The following TLE3 variants were observed in gnomAD, a reference collection of about 807,000 sequenced individuals.
The protein encoded by TLE3 is TLE family member 3, transcriptional corepressor.
In TLE3, 14 loss-of-function variants were observed where a neutral mutation model predicts 93.0. The observed-to-expected ratio is 0.15, with a 90% CI of 0.10 to 0.24. TLE3 has a LOEUF of 0.24. Among genes scored for constraint, TLE3 ranks in the 10% least tolerant of loss-of-function variants. TLE3 has a pLI of 1.00. For synonymous variants in TLE3, 451 were observed against 425.0 expected (o/e 1.06, Z -0.75); for missense variants, 693 against 1,046.6 (o/e 0.66, Z 4.66).
chr15:70,065,233 T>C (rs2056742124), intron 7 of TLE3, among the ~76,000 whole-genome samples: 1 of 152,342 alleles, frequency 6.6e-6, no homozygotes, highest in East Asian at 1.9e-4. Context: ...AAATACCGTA[T>C]CTAAGGGCAG....
chr15:70,066,250 G>T, intron 6 of TLE3, 32 bp from the exon 7 acceptor site: 1 of 1,469,716 alleles, frequency 6.8e-7, no homozygotes, highest in South Asian at 1.4e-5. Context: ...GTACAGCTGA[G>T]TTGGGGAGGG....
chr15:70,097,468 C>CGCT lies in TLE3; in HGVS notation c.-671_-670insAGC. On this transcript the variant is annotated 5_prime_UTR_variant, in exon 1 of 20. Transcript: ENST00000451782. ...CTACTGCCGCTGCCGCCGCCGCCGCCGCCGCTGCAAGCCCTTCCCAGGGCC... is the reference window on the plus strand; with the variant it reads ...CTACTGCCGCTGCCGCCGCCGCCGCCGCTGCCGCTGCAAGCCCTTCCCAGGGCC... 1 of 417,270 alleles carries CGCT rather than the reference C, an allele frequency of 2.4e-6. No individual in the cohort carries two copies. Among genetic ancestry groups the CGCT allele is most frequent in the South Asian group, 8.2e-5 (1 of 12,144 alleles). 25.8% of individuals were successfully genotyped at this position (417,270 alleles called of 1,614,324 possible). A position where few individuals can be genotyped will look rare whatever the true frequency, so the allele number is the denominator to read the frequency against.
chr15:70,085,426 C>G (rs1390625265), intron 4 of TLE3, among the ~76,000 whole-genome samples: 1 of 152,220 alleles, frequency 6.6e-6, no homozygotes, highest in Non-Finnish European at 1.5e-5. Context: ...GAACCCACCC[C>G]ATCCATCATC....
chr15:70,051,262 GA>G, intron 19 of TLE3, 128 bp downstream of exon 19: 2 of 883,578 alleles, frequency 2.3e-6, no homozygotes, highest in Non-Finnish European at 3.4e-6. Flanking sequence ...GTGGGGAGGG[GA>G]CCAGGGCAGG....
intron 13 of TLE3, among the ~76,000 whole-genome samples, 171 bp downstream of exon 13, chr15:70,057,288 G>A (rs1379106664): frequency 6.6e-6 from 1 of 152,220 alleles, no homozygotes; most frequent in Non-Finnish European, 1.5e-5. Context: ...GCCCCAAAGA[G>A]TGTACCCTTC....
Position 70,052,585 on chromosome 15 carries a change from C to T in TLE3, c.1975-61G>A, listed in dbSNP as rs571852294. On this transcript the variant is annotated intron_variant, in intron 17 of 19. Coordinates refer to ENST00000451782, the MANE Select transcript of TLE3 (RefSeq NM_001105192.3). ...GCATTCTCTGCCCTCAAGAGGAGGG[C>T]GGCTCCCAAAGGTGCTGCTCAGGTC... 4.0e-5 allele frequency: 62 copies of T among 1,551,398 alleles called. No homozygotes were observed. In the Admixed American group the frequency reaches 7.2e-4, roughly 18 times the overall value.
chr15:70,050,026 C>CGCCT lies in TLE3; in HGVS notation c.*67_*70dup. The CGCCT allele has an allele frequency of 7.1e-7, 1 of 1,415,816 alleles. No homozygotes were observed. Among genetic ancestry groups the CGCCT allele is most frequent in the South Asian group, 1.2e-5 (1 of 85,970 alleles). The allele number at this position is 1,415,816 out of a possible 1,614,324, so 87.7% of individuals were successfully genotyped here. The stretch of plus-strand genomic sequence containing the variant: ...ATCCTCCGCCATCCTCGGGGCCCCT[C>CGCCT]GCCTGGGGGTCTCCCTGTCAGAGCC... On this transcript the variant is annotated 3_prime_UTR_variant, in exon 20 of 20. Transcript: ENST00000451782.
At chr15:70,078,606 T>C (rs2057575009) in intron 4 of TLE3, among the ~76,000 whole-genome samples, 1 of 152,234 alleles carries the variant, frequency 6.6e-6, no homozygotes, top group African/African-American at 2.4e-5. Flanking sequence ...TGCCCCAGCA[T>C]GGGCAGCATC....
Position 70,055,024 on chromosome 15 carries a change from G to T in TLE3, c.1578+25C>A, listed in dbSNP as rs923932115. 1.9e-6 allele frequency: 3 copies of T among 1,578,006 alleles called. No homozygotes were observed. In the African/African-American group the frequency reaches 4.0e-5, roughly 21 times the overall value. Reference sequence around the variant, plus strand: ...CCATCCTCCTACACCAGCTGGAGGCGGCGCAGCAGCCCTGGGATTCTCACC... The same window carrying T: ...CCATCCTCCTACACCAGCTGGAGGCTGCGCAGCAGCCCTGGGATTCTCACC... On this transcript the variant is annotated intron_variant, in intron 15 of 19. Transcript: ENST00000451782.
Position 70,097,892 on chromosome 15 carries a change from C to T in TLE3, c.-1094G>A, listed in dbSNP as rs551797123. On this transcript the variant is annotated 5_prime_UTR_variant, in exon 1 of 20. Transcript: ENST00000451782. Reference sequence around the variant, plus strand: ...GGGACGAGCACGAGGTCTGAACTGCCGCGAGAGCAGTTCCAAATAGGGACT... The same window carrying T: ...GGGACGAGCACGAGGTCTGAACTGCTGCGAGAGCAGTTCCAAATAGGGACT... 1.7e-4 allele frequency: 49 copies of T among 287,700 alleles called. No individual in the cohort carries two copies. The highest frequency in any genetic ancestry group is 1.1e-4 in the Non-Finnish European group (17 of 155,580). The allele number at this position is 287,700 out of a possible 1,614,324, so 17.8% of individuals were successfully genotyped here.
intron 4 of TLE3, among the ~76,000 whole-genome samples, chr15:70,093,064 A>T (rs924594482): frequency 5.9e-5 from 9 of 152,202 alleles, no homozygotes; most frequent in African/African-American, 1.9e-4. Context: ...TTCTTCCGGG[A>T]CCTGGCCCCT....
chr15:70,089,968 C>T (rs997498429), intron 4 of TLE3, among the ~76,000 whole-genome samples: 2 of 152,140 alleles, frequency 1.3e-5, no homozygotes, highest in African/African-American at 2.4e-5. Context: ...GGTTCCCACC[C>T]GTTGATCTGT....
chr15:70,054,327 G>C, intron 16 of TLE3, 111 bp downstream of exon 16: 3 of 1,474,856 alleles, frequency 2.0e-6, no homozygotes, highest in Non-Finnish European at 2.7e-6. Flanking sequence ...CAACGGTTCT[G>C]GCCACCCCAC....
At chr15:70,095,898 G>C (rs1218128433) in intron 2 of TLE3, 1 of 623,648 alleles carries the variant, frequency 1.6e-6, no homozygotes, top group Non-Finnish European at 2.7e-6. Flanking sequence ...GCTGGCTCCC[G>C]ACACCCAGAA....
chr15:70,064,430 G>A (rs1357895112), intron 8 of TLE3, 24 bp downstream of exon 8: 10 of 1,613,138 alleles, frequency 6.2e-6, no homozygotes, highest in African/African-American at 4.0e-5. Context: ...ACACCCCTCC[G>A]GGTTCCAGAG....
chr15:70,074,627 C>G lies in TLE3; in HGVS notation c.298-20G>C. The G allele has an allele frequency of 1.9e-6, 3 of 1,596,534 alleles. No individual in the cohort carries two copies. Among genetic ancestry groups the G allele is most frequent in the Non-Finnish European group, 2.6e-6 (3 of 1,171,552 alleles). The stretch of plus-strand genomic sequence containing the variant: ...CTGGTGCTGGAGGGAAGAGGGTGTG[C>G]GTTAGATGCAGCCACTTTCCTGGAC... On this transcript the variant is annotated intron_variant, in intron 5 of 19. Coordinates refer to ENST00000451782, the MANE Select transcript of TLE3 (RefSeq NM_001105192.3).
chr15:70,060,458 G>A, intron 9 of TLE3, 72 bp downstream of exon 9: 1 of 1,591,484 alleles, frequency 6.3e-7, no homozygotes. Flanking sequence ...CCTGGCCACA[G>A]CTTGGGCCCT....
chr15:70,079,163 C>T (rs671748), intron 4 of TLE3, among the ~76,000 whole-genome samples: 8,919 of 151,964 alleles, frequency 0.059, 945 homozygotes, highest in African/African-American at 0.2. Context: ...CTCCACCCTC[C>T]TAAAGTAGTT....
chr15:70,054,524 G>A lies in TLE3; in HGVS notation c.1740C>T (p.Ala580=), dbSNP rs753967903. The change falls in exon 16 of 20, where the codon GCC becomes GCT. Residue 580 remains alanine, a synonymous_variant. Coordinates refer to ENST00000451782, the MANE Select transcript of TLE3 (RefSeq NM_001105192.3). The part of the protein sequence containing the change: ...TSSAPACYAL[A]ISPDAKVCFS... Reference sequence around the variant, plus strand: ...AGCAGACTTTGGCGTCAGGGCTAATGGCCAGGGCATAACAGGCGGGAGCCG... The same window carrying A: ...AGCAGACTTTGGCGTCAGGGCTAATAGCCAGGGCATAACAGGCGGGAGCCG... 41 of 1,613,952 alleles carry A rather than the reference G, an allele frequency of 2.5e-5. No individual in the cohort carries two copies. Among genetic ancestry groups the A allele is most frequent in the Non-Finnish European group, 3.4e-5 (40 of 1,179,922 alleles).
Sources: gnomAD v4.1 joint callset for allele counts (sites outside exome capture counted in the v4.1 genomes callset) on GRCh38, gnomAD v4.1.1 for gene constraint, MANE v1.5 for transcripts, NCBI Gene and HGNC (gene_info 2026-07-23, HGNC 2026-07-21) for gene names.